The following RASL12 variants were observed in gnomAD, a reference collection of about 807,000 sequenced individuals.
RASL12 encodes the protein RAS like family 12, also known as ras-like protein family member 12.
RASL12 carries 16 observed loss-of-function variants against 22.9 expected under a neutral mutation model. The observed-to-expected ratio is 0.70, with a 90% CI of 0.47 to 1.06. The LOEUF is 1.06. RASL12 is among the 50% of genes least tolerant of loss of function. The probability of loss-of-function intolerance (pLI) is 0.00; values close to 1 mark genes in which losing one functional copy is unlikely to be tolerated. For synonymous variants in RASL12, 159 were observed against 152.2 expected (o/e 1.04, Z -0.33); for missense variants, 306 against 353.1 (o/e 0.87, Z 1.07).
chr15:65,052,894 A>C, downstream of RASL12: 1 of 1,442,648 alleles, frequency 6.9e-7, no homozygotes, highest in Non-Finnish European at 9.6e-7. Flanking sequence ...AGACTCTTTA[A>C]GCCATTTGGG....
At chr15:65,066,353 T>TA (rs1181380223) in intron 1 of RASL12, among the ~76,000 whole-genome samples, 1 of 152,014 alleles carries the variant, frequency 6.6e-6, no homozygotes, top group East Asian at 1.9e-4. Context: ...CTGTTATCTC[T>TA]AAAAAAATTG....
chr15:65,058,956 C>T (rs1216400714), intron 3 of RASL12, among the ~76,000 whole-genome samples: 1 of 152,240 alleles, frequency 6.6e-6, no homozygotes, highest in East Asian at 1.9e-4. Flanking sequence ...CTGAGAGTAA[C>T]TGGCATCCAG....
chr15:65,058,303 C>T, intron 4 of RASL12, 124 bp downstream of exon 4: 3 of 727,438 alleles, frequency 4.1e-6, no homozygotes, highest in Non-Finnish European at 6.0e-6. Flanking sequence ...AACATATAAT[C>T]CCTTCTACCA....
At chr15:65,049,838 C>T, downstream of RASL12, 1 of 485,770 alleles carries the variant, frequency 2.1e-6, no homozygotes, top group Non-Finnish European at 3.6e-6. Flanking sequence ...TGGATTTGGG[C>T]ACAGAGGGAG....
intron 1 of RASL12, among the ~76,000 whole-genome samples, chr15:65,067,406 T>G (rs2086890917): frequency 2.7e-5 from 4 of 150,264 alleles, no homozygotes; most frequent in Admixed American, 2.6e-4. Context: ...GACCGACCAG[T>G]AAAGGACTCC....
At position 65,061,231 on chromosome 15, in the gene RASL12, C is replaced by T. The variant is rs760512879; in HGVS notation, c.161-1813G>A. 2.6e-5 allele frequency among the ~76,000 whole-genome samples: 4 copies of T among 152,238 alleles called. No homozygotes were observed. The South Asian group carries it at 8.3e-4, about 31-fold the overall frequency. ...AGAAGGGATCTCACCCAAGGCCACA[C>T]AGCACCTAATCAGCAGAAGGAACTT... On this transcript the variant is annotated intron_variant, in intron 2 of 4. Coordinates refer to ENST00000220062, the MANE Select transcript of RASL12 (RefSeq NM_016563.4).
the RASL12 span, among the ~76,000 whole-genome samples, chr15:65,047,284 C>T: frequency 5.6e-3 from 843 of 150,122 alleles, 8 homozygotes; most frequent in Middle Eastern, 0.038. Flanking sequence ...TGCAGTGAGC[C>T]GAGATCACAC....
At chr15:65,071,225 T>C (rs1293497267), upstream of RASL12, among the ~76,000 whole-genome samples, 1 of 152,158 alleles carries the variant, frequency 6.6e-6, no homozygotes, top group Non-Finnish European at 1.5e-5. Flanking sequence ...CAACACTGGG[T>C]CTGTGCTCTA....
chr15:65,061,408 G>A (rs1367144276), intron 2 of RASL12, among the ~76,000 whole-genome samples: 4 of 152,228 alleles, frequency 2.6e-5, no homozygotes, highest in Admixed American at 6.5e-5. Context: ...GAACATGCCT[G>A]CATGAGCTGG....
upstream of RASL12, chr15:65,067,999 C>T: frequency 8.7e-7 from 1 of 1,154,434 alleles, no homozygotes. Flanking sequence ...GCTGCCACCC[C>T]GCGGGGAGGA....
exon 1 of RASL12, chr15:65,076,574 C>T: frequency 1.4e-6 from 1 of 702,804 alleles, no homozygotes; most frequent in Admixed American, 2.0e-5. Context: ...CAAGAACCCA[C>T]CAATTCTGGA....
At chr15:65,056,038 G>T (rs971604600) in intron 4 of RASL12, among the ~76,000 whole-genome samples, 2 of 152,086 alleles carry the variant, frequency 1.3e-5, no homozygotes, top group Admixed American at 6.5e-5. Flanking sequence ...GGAAGGTCCT[G>T]GAGGCTTCTG....
chr15:65,060,156 T>G (rs552896508), intron 2 of RASL12, among the ~76,000 whole-genome samples: 237 of 152,330 alleles, frequency 1.6e-3, no homozygotes, highest in Non-Finnish European at 2.8e-3. Flanking sequence ...TGACATTAGC[T>G]CATTTAACGG....
chr15:65,071,793 G>A (rs2086933920), upstream of RASL12, among the ~76,000 whole-genome samples: 1 of 152,082 alleles, frequency 6.6e-6, no homozygotes, highest in African/African-American at 2.4e-5. Context: ...GGACTATGCA[G>A]CAGCCCTGGC....
Position 65,054,331 on chromosome 15 carries a change from T to G in RASL12, c.*568A>C. On this transcript the variant is annotated 3_prime_UTR_variant, in exon 5 of 5. Transcript: ENST00000220062. Reference sequence around the variant, plus strand: ...CCTGGGGCTTCTGTCCATTGGATTATTTTAACTAGATTTTCCTTGGATAAA... The same window carrying G: ...CCTGGGGCTTCTGTCCATTGGATTAGTTTAACTAGATTTTCCTTGGATAAA... 1 of 985,850 alleles carries G rather than the reference T, an allele frequency of 1.0e-6. No individual in the cohort carries two copies. Among genetic ancestry groups the G allele is most frequent in the Non-Finnish European group, 1.2e-6 (1 of 830,210 alleles). 61.1% of individuals were successfully genotyped at this position (985,850 alleles called of 1,614,324 possible).
intron 2 of RASL12, 143 bp from the exon 3 acceptor site, chr15:65,059,561 A>C: frequency 3.0e-6 from 2 of 665,102 alleles, no homozygotes. Context: ...CTTGGTTCTC[A>C]CCCACATGGA....
chr15:65,071,761 T>C (rs1231481649), upstream of RASL12, among the ~76,000 whole-genome samples: 2 of 151,974 alleles, frequency 1.3e-5, no homozygotes, highest in Admixed American at 6.6e-5. Context: ...AACAGGCCAT[T>C]TGGGAGGGAA....
rs73472902 is a variant in RASL12, at chr15:65,065,964, T to C, written c.104-691A>G. On this transcript the variant is annotated intron_variant, in intron 1 of 4. Transcript: ENST00000220062. ...TAAAGCAAAGACCAGCCAACTACTA[T>C]ACTGGACCCTCAAAAAGTAATGTTC... Among the ~76,000 whole-genome samples, 339 of 151,866 alleles carry C rather than the reference T, an allele frequency of 2.2e-3. 2 individuals are homozygous for C. The highest frequency in any genetic ancestry group is 7.9e-3 in the African/African-American group (328 of 41,372).
chr15:65,064,765 T>G (rs2086856079), intron 2 of RASL12, among the ~76,000 whole-genome samples: 1 of 151,926 alleles, frequency 6.6e-6, no homozygotes, highest in African/African-American at 2.4e-5. Flanking sequence ...CCCAGCTAAT[T>G]TTTGTATTTT....
Sources: allele counts gnomAD v4.1 joint callset (sites outside exome capture counted in the v4.1 genomes callset), GRCh38; gene constraint gnomAD v4.1.1; transcripts MANE v1.5; gene names NCBI Gene and HGNC (gene_info 2026-07-23, HGNC 2026-07-21).